RAD54B: variants seen among roughly 807,000 people sequenced by gnomAD.
The protein encoded by RAD54B is RAD54 homolog B, also known as DNA repair and recombination protein RAD54B.
RAD54B carries 78 observed loss-of-function variants against 95.8 expected under a neutral mutation model. The observed-to-expected ratio is 0.81, with a 90% CI of 0.68 to 0.98. RAD54B has a LOEUF of 0.98. Ranked by LOEUF, RAD54B falls within the 50% of genes least tolerant of loss-of-function variation. RAD54B has a pLI of 0.00. For missense variants in RAD54B, 957 were observed against 1,056.6 expected (o/e 0.91, Z 1.31); for synonymous variants, 328 against 354.9 (o/e 0.92, Z 0.85).
Position 94,386,981 on chromosome 8 carries a change from T to C in RAD54B, c.1985+3A>G. 2 of 1,588,842 alleles carry C rather than the reference T, an allele frequency of 1.3e-6. No homozygotes were observed. Among genetic ancestry groups the C allele is most frequent in the Non-Finnish European group, 1.7e-6 (2 of 1,171,288 alleles). On this transcript the variant is annotated splice_donor_region_variant and intron_variant, in intron 11 of 14. Coordinates refer to ENST00000336148, the MANE Select transcript of RAD54B (RefSeq NM_012415.3). ...ACTTATAAGTTTGTTAAATCGATCT[T>C]ACTTTTCAGTAGGTCGAAGTTCGTG...
intron 3 of RAD54B, among the ~76,000 whole-genome samples, chr8:94,456,422 A>C (rs1812780305): frequency 6.6e-6 from 1 of 152,220 alleles, no homozygotes; most frequent in African/African-American, 2.4e-5. Flanking sequence ...GTGGTTATGC[A>C]GGAGAAAACA....
At chr8:94,428,219 T>G in intron 3 of RAD54B, 1 of 870,432 alleles carries the variant, frequency 1.1e-6, no homozygotes. Flanking sequence ...GTAGTATATT[T>G]CTACAGAATC....
chr8:94,435,286 T>C (rs1395296376), intron 3 of RAD54B, among the ~76,000 whole-genome samples: 1 of 152,000 alleles, frequency 6.6e-6, no homozygotes, highest in East Asian at 1.9e-4. Flanking sequence ...TTCCCACTGG[T>C]GATATTTTTT....
intron 6 of RAD54B, among the ~76,000 whole-genome samples, chr8:94,403,407 T>C (rs1162044771): frequency 1.3e-5 from 2 of 152,198 alleles, no homozygotes; most frequent in African/African-American, 4.8e-5. Flanking sequence ...CCAGGTGCAG[T>C]GGCTCATGCC....
At chr8:94,426,153 A>G (rs548103499) in intron 3 of RAD54B, among the ~76,000 whole-genome samples, 18 of 151,888 alleles carry the variant, frequency 1.2e-4, no homozygotes, top group Non-Finnish European at 2.4e-4. Context: ...GGGTTTCACC[A>G]TGGTGGCCAG....
At chr8:94,474,635 C>A (rs73695614) in intron 1 of RAD54B, among the ~76,000 whole-genome samples, 2 of 152,282 alleles carry the variant, frequency 1.3e-5, no homozygotes, top group African/African-American at 2.4e-5. Flanking sequence ...GCCTTCACCC[C>A]CTGGCCCTGG....
At chr8:94,430,391 T>G in intron 3 of RAD54B, 2 of 985,338 alleles carry the variant, frequency 2.0e-6, no homozygotes, top group Non-Finnish European at 2.4e-6. Flanking sequence ...TCAGTTCACT[T>G]TCAACTACTC....
chr8:94,415,845 A>G (rs368969249), intron 3 of RAD54B, among the ~76,000 whole-genome samples: 1 of 151,262 alleles, frequency 6.6e-6, no homozygotes, highest in African/African-American at 2.4e-5. Flanking sequence ...TTAGAATGGC[A>G]ATCATTAAAA....
rs1227746676 is a variant in RAD54B at position 94,428,026 on chromosome 8, G to A, written c.305-16711C>T. On this transcript the variant is annotated intron_variant, in intron 3 of 14. Transcript: ENST00000336148. ...AAGAAATCTGGTATTCGTTAGAAAT[G>A]AGTTTCACTGACTTTTCTCAGGATG... 8 of 939,786 alleles carry A rather than the reference G, an allele frequency of 8.5e-6. No homozygotes were observed. In the African/African-American group the frequency reaches 1.2e-4, roughly 15 times the overall value. The allele number at this position is 939,786 out of a possible 1,614,324, so 58.2% of individuals were successfully genotyped here.
At chr8:94,470,780 A>C (rs1813152179) in intron 1 of RAD54B, among the ~76,000 whole-genome samples, 2 of 151,668 alleles carry the variant, frequency 1.3e-5, no homozygotes, top group Non-Finnish European at 2.9e-5. Context: ...GAAAAAAAAA[A>C]AGAATAATGA....
intron 12 of RAD54B, among the ~76,000 whole-genome samples, chr8:94,379,870 C>A (rs1002877596): frequency 5.9e-5 from 9 of 152,326 alleles, no homozygotes; most frequent in African/African-American, 2.2e-4. Context: ...TGGAGACATA[C>A]AGGTTTAGGT....
chr8:94,420,422 AT>A lies in RAD54B; in HGVS notation c.305-9108del, dbSNP rs986545039. 1.2e-3 allele frequency among the ~76,000 whole-genome samples: 180 copies of A among 148,498 alleles called. 1 individual carries two copies. The highest frequency in any genetic ancestry group is 3.8e-3 in the African/African-American group (155 of 40,482). On this transcript the variant is annotated intron_variant, in intron 3 of 14. Transcript: ENST00000336148. ...AGGCATGCACCACCAAGCCCGGCTAATTTTTTTTTTCGTATTTTCAATAGAC... is the reference window on the plus strand; with the variant it reads ...AGGCATGCACCACCAAGCCCGGCTAATTTTTTTTTCGTATTTTCAATAGAC...
rs576425775 is a variant in RAD54B at position 94,434,986 on chromosome 8, T to C, written c.304+23282A>G. On this transcript the variant is annotated intron_variant, in intron 3 of 14. Transcript: ENST00000336148. The stretch of plus-strand genomic sequence containing the variant: ...TATATTATTTTTCTTCTACTCACTG[T>C]TATTTTTAAAATATGCAACTAACTA... Among the ~76,000 whole-genome samples the C allele has an allele frequency of 7.2e-5, 11 of 151,980 alleles. No individual in the cohort carries two copies. The South Asian group carries it at 2.3e-3, about 31-fold the overall frequency.
intron 11 of RAD54B, among the ~76,000 whole-genome samples, chr8:94,382,675 G>A (rs1487755991): frequency 6.6e-6 from 1 of 152,142 alleles, no homozygotes; most frequent in African/African-American, 2.4e-5. Context: ...ACCCCCATTT[G>A]TTCAGGGAGG....
At chr8:94,403,861 T>C (rs1347452345) in intron 6 of RAD54B, among the ~76,000 whole-genome samples, 1 of 125,516 alleles carries the variant, frequency 8.0e-6, no homozygotes, top group Non-Finnish European at 1.9e-5. Context: ...GATTCCCATA[T>C]GCCCACCTCC....
intron 3 of RAD54B, chr8:94,432,411 G>C: frequency 1.9e-6 from 3 of 1,550,414 alleles, no homozygotes; most frequent in Non-Finnish European, 2.6e-6. Context: ...AATAGAAGAT[G>C]GAGACGATGT....
intron 13 of RAD54B, 53 bp downstream of exon 13, chr8:94,378,515 T>A: frequency 6.6e-7 from 1 of 1,505,402 alleles, no homozygotes; most frequent in Non-Finnish European, 9.1e-7. Flanking sequence ...TAACAAAAAA[T>A]AATTTTAATT....
chr8:94,425,248 T>C lies in RAD54B; in HGVS notation c.305-13933A>G, dbSNP rs1163658032. Among the ~76,000 whole-genome samples, 3 of 149,418 alleles carry C rather than the reference T, an allele frequency of 2.0e-5. No individual in the cohort carries two copies. In the East Asian group the frequency reaches 5.8e-4, roughly 29 times the overall value. Reference sequence around the variant, plus strand: ...AATATTCTTTTTTTTTTTTTTTTTTTTTTAAAGAGGTCTTCAGGTTGGTCT... The same window carrying C: ...AATATTCTTTTTTTTTTTTTTTTTTCTTTAAAGAGGTCTTCAGGTTGGTCT... On this transcript the variant is annotated intron_variant, in intron 3 of 14. Coordinates refer to ENST00000336148, the MANE Select transcript of RAD54B (RefSeq NM_012415.3).
intron 10 of RAD54B, among the ~76,000 whole-genome samples, 196 bp downstream of exon 10, chr8:94,391,413 T>TCTAG (rs1415966403): frequency 6.7e-6 from 1 of 149,486 alleles, no homozygotes; most frequent in Non-Finnish European, 1.5e-5. Context: ...CTACTTCAGC[T>TCTAG]CTAGGAGTGT....
Sources: allele counts gnomAD v4.1 joint callset (sites outside exome capture counted in the v4.1 genomes callset), GRCh38; gene constraint gnomAD v4.1.1; transcripts MANE v1.5; gene names NCBI Gene and HGNC (gene_info 2026-07-23, HGNC 2026-07-21).